The following ERCC6L2 variants were observed in gnomAD, a reference collection of about 807,000 sequenced individuals.
ERCC6L2 encodes ERCC excision repair 6 like 2.
Under a neutral mutation model 132.0 loss-of-function variants are expected in ERCC6L2, and 77 were observed. That is an observed-to-expected ratio of 0.58 (90% CI 0.49 to 0.71). The LOEUF (loss-of-function observed/expected upper bound fraction) is 0.71. ERCC6L2 is among the 30% of genes least tolerant of loss of function. ERCC6L2 has a pLI of 0.00. For missense variants in ERCC6L2, 1,542 were observed against 1,837.6 expected (o/e 0.84, Z 2.94); for synonymous variants, 583 against 632.4 (o/e 0.92, Z 1.17).
intron 3 of ERCC6L2, among the ~76,000 whole-genome samples, chr9:95,906,343 A>C (rs1287287730): frequency 6.6e-6 from 1 of 152,140 alleles, no homozygotes; most frequent in Admixed American, 6.6e-5. Flanking sequence ...GATGTGGTTC[A>C]TTAAAATGGA....
At chr9:96,004,369 C>A (rs1833791049) in intron 17 of ERCC6L2, 151 bp from the exon 18 acceptor site, 2 of 385,982 alleles carry the variant, frequency 5.2e-6, no homozygotes, top group South Asian at 2.3e-5. Flanking sequence ...TTCTTAAAGA[C>A]CTAGGTTAAT....
chr9:95,959,646 A>AT (rs1831805264), intron 13 of ERCC6L2, among the ~76,000 whole-genome samples: 1 of 152,086 alleles, frequency 6.6e-6, no homozygotes, highest in Non-Finnish European at 1.5e-5. Context: ...CAAAGGGCTA[A>AT]TATCCAGAAT....
intron 6 of ERCC6L2, among the ~76,000 whole-genome samples, chr9:95,917,149 C>G (rs1447717470): frequency 6.6e-6 from 1 of 152,122 alleles, no homozygotes; most frequent in East Asian, 1.9e-4. Context: ...TGGTTAAGAG[C>G]TTTTTAAAAA....
In ERCC6L2 at chr9:95,875,935, G is replaced by A; in HGVS notation, c.-104G>A. 7.9e-7 allele frequency: 1 copy of A among 1,266,978 alleles called. No homozygotes were observed. The highest frequency in any genetic ancestry group is 1.1e-6 in the Non-Finnish European group (1 of 903,454). The allele number at this position is 1,266,978 out of a possible 1,614,324, so 78.5% of individuals were successfully genotyped here. On this transcript the variant is annotated 5_prime_UTR_variant, in exon 1 of 19. Coordinates refer to ENST00000653738, the MANE Select transcript of ERCC6L2 (RefSeq NM_020207.7). The stretch of plus-strand genomic sequence containing the variant: ...AAGAGCGATGCTCGGAGGGCGGCCG[G>A]AAGTGGCGTTGGCCGCCATTGGCCT...
chr9:95,952,107 G>T (rs996279226), intron 12 of ERCC6L2, among the ~76,000 whole-genome samples: 27 of 134,098 alleles, frequency 2.0e-4, no homozygotes, highest in African/African-American at 7.9e-4. Context: ...GTTGGAGGTT[G>T]CAGTGAGCCG....
intron 18 of ERCC6L2, among the ~76,000 whole-genome samples, chr9:96,005,873 G>A (rs1479963711): frequency 6.6e-6 from 1 of 152,328 alleles, no homozygotes; most frequent in African/African-American, 2.4e-5. Flanking sequence ...GTACCAGAGT[G>A]GTTGCCATGA....
At chr9:95,902,498 A>G (rs1255972570) in intron 3 of ERCC6L2, among the ~76,000 whole-genome samples, 1 of 152,188 alleles carries the variant, frequency 6.6e-6, no homozygotes, top group Non-Finnish European at 1.5e-5. Flanking sequence ...CTTCATATGT[A>G]CCAAGAGGAT....
chr9:95,966,603 A>G lies in ERCC6L2; in HGVS notation c.1989A>G (p.Arg663=), dbSNP rs768597324. 2.0e-6 allele frequency: 3 copies of G among 1,530,778 alleles called. No homozygotes were observed. Among genetic ancestry groups the G allele is most frequent in the South Asian group, 1.3e-5 (1 of 78,672 alleles). The allele number at this position is 1,530,778 out of a possible 1,614,324, so 94.8% of individuals were successfully genotyped here. The change falls in exon 14 of 19, where the codon CGA becomes CGG. Residue 663 remains arginine (R), a synonymous_variant. Coordinates refer to ENST00000653738, the MANE Select transcript of ERCC6L2 (RefSeq NM_020207.7). Reference sequence around the variant, plus strand: ...TGGTTGGAAGTGAAAATGCCAAACGATATTTTGAAGCAGTTCAAGGATCTA... The same window carrying G: ...TGGTTGGAAGTGAAAATGCCAAACGGTATTTTGAAGCAGTTCAAGGATCTA... ...CVVVGSENAK[R]YFEAVQGSKE...
chr9:95,894,584 CTTTTTTTTT>C (rs1218474585), intron 2 of ERCC6L2, among the ~76,000 whole-genome samples: 1 of 83,484 alleles, frequency 1.2e-5, no homozygotes, highest in Admixed American at 1.3e-4. Flanking sequence ...ATATGTCAGC[CTTTTTTTTT>C]TTTTTTTTTT....
intron 17 of ERCC6L2, among the ~76,000 whole-genome samples, chr9:95,994,315 C>A (rs1184281453): frequency 6.6e-6 from 1 of 152,066 alleles, no homozygotes; most frequent in Non-Finnish European, 1.5e-5. Context: ...TTTAATTAAG[C>A]CTTCCACTCT....
Position 95,972,747 on chromosome 9 carries a change from G to A in ERCC6L2, c.2996G>A (p.Ser999Asn), listed in dbSNP as rs1407967177. 7.7e-7 allele frequency: 1 copy of A among 1,303,252 alleles called. No individual in the cohort carries two copies. 80.7% of individuals were successfully genotyped at this position (1,303,252 alleles called of 1,614,324 possible). A position where few individuals can be genotyped will look rare whatever the true frequency, so the allele number is the denominator to read the frequency against. Residue 999 changes from serine (S) to asparagine (N), a missense_variant, in exon 16 of 19, where the codon AGT (serine) becomes AAT (asparagine). Ser to Asn is a conservative substitution (Grantham distance 46). Coordinates refer to ENST00000653738, the MANE Select transcript of ERCC6L2 (RefSeq NM_020207.7). Reference protein sequence around the residue: ...SSKSRVRKRASSLRFKRIKET... With the variant: ...SSKSRVRKRANSLRFKRIKET... ...AAGTCAAGAGTAAGAAAGAGAGCTA[G>A]TTCATTGAGGTTTAAGAGAATAAAA...
chr9:95,965,507 A>G (rs1007894649), intron 13 of ERCC6L2, among the ~76,000 whole-genome samples: 1 of 152,016 alleles, frequency 6.6e-6, no homozygotes, highest in Non-Finnish European at 1.5e-5. Flanking sequence ...TCAATAGTTA[A>G]GCATTTCTCT....
At chr9:95,938,019 ATTAT>A (rs943924573) in intron 11 of ERCC6L2, among the ~76,000 whole-genome samples, 1 of 151,316 alleles carries the variant, frequency 6.6e-6, no homozygotes, top group Admixed American at 6.6e-5. Flanking sequence ...GTGTTACATT[ATTAT>A]TTATTTCTCC....
At chr9:95,918,437 C>A in intron 6 of ERCC6L2, 1 of 436,946 alleles carries the variant, frequency 2.3e-6, no homozygotes. Context: ...AGAAGGGCCT[C>A]ATAGCTACCA....
intron 3 of ERCC6L2, among the ~76,000 whole-genome samples, chr9:95,905,721 A>G (rs1437377295): frequency 2.0e-5 from 3 of 152,226 alleles, no homozygotes; most frequent in Non-Finnish European, 2.9e-5. Context: ...CACGTTCAGC[A>G]TGTTGATTTT....
intron 13 of ERCC6L2, among the ~76,000 whole-genome samples, chr9:95,960,564 G>A (rs1831854257): frequency 6.6e-6 from 1 of 152,130 alleles, no homozygotes; most frequent in African/African-American, 2.4e-5. Flanking sequence ...TTGGAGTGGT[G>A]TGCCAGAAGC....
At chr9:95,928,253 T>G in intron 10 of ERCC6L2, 103 bp downstream of exon 10, 2 of 692,344 alleles carry the variant, frequency 2.9e-6, no homozygotes, top group South Asian at 2.2e-5. Flanking sequence ...CATTTTCTCT[T>G]ATCTACACAG....
intron 2 of ERCC6L2, among the ~76,000 whole-genome samples, chr9:95,894,090 A>G (rs550612610): frequency 6.6e-6 from 1 of 152,038 alleles, no homozygotes; most frequent in African/African-American, 2.4e-5. Flanking sequence ...CCTACCTTAA[A>G]CATGCTCAGA....
At chr9:95,907,327 T>G in intron 4 of ERCC6L2, 56 bp downstream of exon 4, 1 of 1,171,142 alleles carries the variant, frequency 8.5e-7, no homozygotes, top group Non-Finnish European at 1.1e-6. Context: ...TTACATCCCT[T>G]TATATTAAGA....
Sources: gnomAD v4.1 joint callset for allele counts (sites outside exome capture counted in the v4.1 genomes callset) on GRCh38, gnomAD v4.1.1 for gene constraint, MANE v1.5 for transcripts, NCBI Gene and HGNC (gene_info 2026-07-23, HGNC 2026-07-21) for gene names.